NXPH1: variants seen among roughly 807,000 people sequenced by gnomAD.
NXPH1 encodes the protein neurexophilin-1.
In NXPH1, 5 loss-of-function variants were observed where a neutral mutation model predicts 23.7. The ratio of observed to expected loss-of-function variants is 0.21; its 90% CI spans 0.11 to 0.44. The LOEUF (loss-of-function observed/expected upper bound fraction) is 0.44. NXPH1 is among the 20% of genes least tolerant of loss of function. The pLI is 0.99. For synonymous variants in NXPH1, 144 were observed against 122.2 expected (o/e 1.18, Z -1.18); for missense variants, 324 against 321.6 (o/e 1.01, Z -0.06).
intron 2 of NXPH1, among the ~76,000 whole-genome samples, chr7:8,549,110 T>C (rs1422010999): frequency 1.3e-5 from 2 of 151,580 alleles, no homozygotes; most frequent in African/African-American, 4.8e-5. Flanking sequence ...TTGGTTTCTT[T>C]CTTTCTCTTC....
intron 2 of NXPH1, among the ~76,000 whole-genome samples, chr7:8,578,591 G>A (rs1444934579): frequency 6.6e-6 from 1 of 152,150 alleles, no homozygotes; most frequent in Non-Finnish European, 1.5e-5. Flanking sequence ...TTATAGATAA[G>A]GAGTTAACAA....
intron 2 of NXPH1, among the ~76,000 whole-genome samples, chr7:8,526,302 T>G (rs1817860634): frequency 6.6e-6 from 1 of 152,252 alleles, no homozygotes; most frequent in South Asian, 2.1e-4. Context: ...AACTAATGCT[T>G]GTACTTCTAT....
At chr7:8,578,205 GA>G (rs760678862) in intron 2 of NXPH1, among the ~76,000 whole-genome samples, 86 of 152,184 alleles carry the variant, frequency 5.7e-4, no homozygotes, top group Non-Finnish European at 3.1e-4. Context: ...GGAGCTACTT[GA>G]TTTACAAAGG....
chr7:8,446,270 G>T (rs527572905), intron 2 of NXPH1, among the ~76,000 whole-genome samples: 39 of 152,238 alleles, frequency 2.6e-4, no homozygotes, highest in South Asian at 2.5e-3. Context: ...CTAATCATGG[G>T]TTGTCCCTTC....
At chr7:8,481,295 T>G (rs2128609836) in intron 2 of NXPH1, among the ~76,000 whole-genome samples, 1 of 152,292 alleles carries the variant, frequency 6.6e-6, no homozygotes, top group African/African-American at 2.4e-5. Flanking sequence ...CATGAGGCCA[T>G]AGTGCATATT....
intron 2 of NXPH1, among the ~76,000 whole-genome samples, chr7:8,476,706 T>TA (rs139818858): frequency 1.3e-5 from 2 of 151,554 alleles, no homozygotes; most frequent in South Asian, 2.1e-4. Flanking sequence ...TTAATAAAGA[T>TA]AAAAAAAATA....
intron 2 of NXPH1, among the ~76,000 whole-genome samples, chr7:8,659,830 C>A (rs141992727): frequency 1.3e-5 from 2 of 152,324 alleles, no homozygotes; most frequent in African/African-American, 4.8e-5. Context: ...TTATTGTGTA[C>A]TGTGCACTTA....
chr7:8,635,172 A>G (rs993146302), intron 2 of NXPH1, among the ~76,000 whole-genome samples: 1 of 152,178 alleles, frequency 6.6e-6, no homozygotes, highest in Non-Finnish European at 1.5e-5. Flanking sequence ...AAAAAATGCT[A>G]TGTCACCGAG....
intron 2 of NXPH1, among the ~76,000 whole-genome samples, chr7:8,636,434 C>T (rs1276972026): frequency 6.6e-6 from 1 of 152,176 alleles, no homozygotes; most frequent in African/African-American, 2.4e-5. Context: ...CACTTTCTCC[C>T]CATATTAATA....
chr7:8,540,249 G>A (rs751299485), intron 2 of NXPH1, among the ~76,000 whole-genome samples: 71 of 151,768 alleles, frequency 4.7e-4, no homozygotes, highest in Non-Finnish European at 8.6e-4. Context: ...GCAGGGTGAT[G>A]GTTCTTATCA....
chr7:8,471,330 G>C (rs1164499695), intron 2 of NXPH1, among the ~76,000 whole-genome samples: 1 of 152,172 alleles, frequency 6.6e-6, no homozygotes, highest in Non-Finnish European at 1.5e-5. Context: ...GGAAGGATTT[G>C]TGAAGAGTAA....
intron 2 of NXPH1, among the ~76,000 whole-genome samples, chr7:8,533,691 A>T (rs1437004886): frequency 1.3e-5 from 2 of 152,234 alleles, no homozygotes; most frequent in African/African-American, 4.8e-5. Context: ...TCAGAAAGAA[A>T]TTCTTTCTGT....
intron 2 of NXPH1, among the ~76,000 whole-genome samples, chr7:8,732,108 G>A (rs1297768576): frequency 6.6e-6 from 1 of 152,194 alleles, no homozygotes; most frequent in Non-Finnish European, 1.5e-5. Context: ...AATTTTCCAG[G>A]TGCCATCTGT....
intron 2 of NXPH1, among the ~76,000 whole-genome samples, chr7:8,517,929 T>G (rs571564657): frequency 6.6e-5 from 10 of 152,128 alleles, no homozygotes; most frequent in Non-Finnish European, 1.5e-4. Flanking sequence ...GAAATTGAGT[T>G]TCACATAAGC....
chr7:8,641,626 A>C (rs904182480), intron 2 of NXPH1, among the ~76,000 whole-genome samples: 1 of 152,094 alleles, frequency 6.6e-6, no homozygotes, highest in Non-Finnish European at 1.5e-5. Context: ...TCTTTTTTAA[A>C]AATTTCATTA....
intron 2 of NXPH1, among the ~76,000 whole-genome samples, chr7:8,449,445 T>C (rs1350992679): frequency 6.6e-6 from 1 of 152,228 alleles, no homozygotes; most frequent in Non-Finnish European, 1.5e-5. Context: ...TGCCAGGACC[T>C]TAACATGGAG....
chr7:8,602,290 T>G (rs1424300578), intron 2 of NXPH1, among the ~76,000 whole-genome samples: 1 of 152,222 alleles, frequency 6.6e-6, no homozygotes, highest in Non-Finnish European at 1.5e-5. Flanking sequence ...ATTAGAGATC[T>G]GAACACATTA....
intron 2 of NXPH1, among the ~76,000 whole-genome samples, chr7:8,492,748 C>A (rs971056017): frequency 6.6e-6 from 1 of 151,982 alleles, no homozygotes; most frequent in Non-Finnish European, 1.5e-5. Flanking sequence ...CAGTGGGTCC[C>A]ATTGGTGGAG....
intron 2 of NXPH1, among the ~76,000 whole-genome samples, chr7:8,529,324 G>C (rs1217208169): frequency 6.6e-6 from 1 of 152,212 alleles, no homozygotes; most frequent in African/African-American, 2.4e-5. Flanking sequence ...ATGGCACCAG[G>C]GGGCCAAAAT....
Sources: gnomAD v4.1 joint callset for allele counts (sites outside exome capture counted in the v4.1 genomes callset) on GRCh38, gnomAD v4.1.1 for gene constraint, MANE v1.5 for transcripts, NCBI Gene and HGNC (gene_info 2026-07-23, HGNC 2026-07-21) for gene names.